The following MSI2 variants were observed in gnomAD, a reference collection of about 807,000 sequenced individuals.
MSI2 encodes the protein RNA-binding protein Musashi homolog 2.
A neutral mutation model predicts 45.6 loss-of-function variants in MSI2; 17 were observed. The observed-to-expected ratio is 0.37, with a 90% confidence interval of 0.26 to 0.56. The LOEUF (loss-of-function observed/expected upper bound fraction) is 0.56, where lower values mean the gene tolerates loss of function less well. Ranked by LOEUF, MSI2 falls within the 20% of genes least tolerant of loss-of-function variation. The pLI is 0.77. For synonymous variants in MSI2, 156 were observed against 158.2 expected (o/e 0.99, Z 0.11); for missense variants, 293 against 444.2 (o/e 0.66, Z 3.06).
chr17:57,385,504 A>G (rs761695068), intron 5 of MSI2, among the ~76,000 whole-genome samples: 52 of 152,152 alleles, frequency 3.4e-4, no homozygotes, highest in Non-Finnish European at 6.8e-4. Context: ...ACAAAAAACT[A>G]GTCAGGCATG....
chr17:57,563,746 G>GCACACACACACA lies in MSI2; in HGVS notation c.455-33095_455-33084dup, dbSNP rs61342598. On this transcript the variant is annotated intron_variant, in intron 7 of 13. Transcript: ENST00000284073. The stretch of plus-strand genomic sequence containing the variant: ...TTCCCTCTCACACACACACAGGCGC[G>GCACACACACACA]CACACACACACACACACACACACAC... Among the ~76,000 whole-genome samples the GCACACACACACA allele has an allele frequency of 2.3e-3, 323 of 139,390 alleles. 3 individuals are homozygous for GCACACACACACA. Among genetic ancestry groups the GCACACACACACA allele is most frequent in the East Asian group, 0.013 (60 of 4,710 alleles). 91.4% of individuals were successfully genotyped at this position (139,390 alleles called of 152,430 possible).
chr17:57,654,733 G>C (rs1429125442), intron 11 of MSI2, among the ~76,000 whole-genome samples: 4 of 152,154 alleles, frequency 2.6e-5, no homozygotes, highest in Non-Finnish European at 4.4e-5. Context: ...GAGACATTCA[G>C]GGAGAGTCTG....
At chr17:57,365,641 A>T (rs1917132459) in intron 5 of MSI2, among the ~76,000 whole-genome samples, 1 of 152,070 alleles carries the variant, frequency 6.6e-6, no homozygotes, top group Non-Finnish European at 1.5e-5. Flanking sequence ...GGCAGAGGGG[A>T]TAGTGAGCTC....
At chr17:57,352,167 T>C (rs1026678333) in intron 5 of MSI2, among the ~76,000 whole-genome samples, 2 of 152,226 alleles carry the variant, frequency 1.3e-5, no homozygotes, top group African/African-American at 2.4e-5. Context: ...TCAACAAGTA[T>C]ATGTCACGTA....
intron 5 of MSI2, among the ~76,000 whole-genome samples, chr17:57,283,786 G>A (rs999535036): frequency 6.6e-6 from 1 of 152,202 alleles, no homozygotes; most frequent in Non-Finnish European, 1.5e-5. Context: ...ACGCGCACGC[G>A]CACTCCCGGA....
intron 6 of MSI2, among the ~76,000 whole-genome samples, chr17:57,514,657 T>G (rs1349196989): frequency 6.6e-6 from 1 of 151,906 alleles, no homozygotes; most frequent in Non-Finnish European, 1.5e-5. Context: ...ATACTTTTTT[T>G]TTTTTTTTTT....
At chr17:57,499,097 C>G (rs1389084407) in intron 6 of MSI2, among the ~76,000 whole-genome samples, 2 of 151,944 alleles carry the variant, frequency 1.3e-5, no homozygotes, top group Non-Finnish European at 2.9e-5. Context: ...AGGGCAAGGC[C>G]AGACGCGGTG....
intron 8 of MSI2, among the ~76,000 whole-genome samples, chr17:57,613,306 C>T (rs970755371): frequency 9.2e-5 from 14 of 152,130 alleles, no homozygotes; most frequent in Non-Finnish European, 1.3e-4. Context: ...GTGACATTTG[C>T]TGTTTTCCCG....
chr17:57,595,725 T>TG (rs1399967396), intron 7 of MSI2, among the ~76,000 whole-genome samples: 1 of 108,138 alleles, frequency 9.2e-6, no homozygotes, highest in Non-Finnish European at 1.9e-5. Flanking sequence ...TGAATCTGGG[T>TG]GGGGGGTCGG....
chr17:57,350,852 C>G (rs945620423), intron 5 of MSI2, among the ~76,000 whole-genome samples: 1 of 152,244 alleles, frequency 6.6e-6, no homozygotes, highest in African/African-American at 2.4e-5. Context: ...AAACAGACAC[C>G]TCATGGGAGG....
At chr17:57,319,853 A>G (rs1913180548) in intron 5 of MSI2, among the ~76,000 whole-genome samples, 1 of 152,094 alleles carries the variant, frequency 6.6e-6, no homozygotes, top group South Asian at 2.1e-4. Flanking sequence ...GGCTCAAGCA[A>G]TCTGCCCACC....
intron 11 of MSI2, among the ~76,000 whole-genome samples, chr17:57,662,449 C>T (rs1341422911): frequency 6.6e-6 from 1 of 152,190 alleles, no homozygotes; most frequent in Non-Finnish European, 1.5e-5. Context: ...CCTGCCTTAT[C>T]CCATTAAATT....
intron 6 of MSI2, among the ~76,000 whole-genome samples, chr17:57,477,019 C>T (rs2085550427): frequency 6.6e-6 from 1 of 152,144 alleles, no homozygotes; most frequent in East Asian, 1.9e-4. Context: ...GTCTTTGAGA[C>T]AGGGACTTTC....
intron 5 of MSI2, among the ~76,000 whole-genome samples, chr17:57,363,510 G>A (rs1346056991): frequency 1.3e-5 from 2 of 152,178 alleles, no homozygotes; most frequent in African/African-American, 4.8e-5. Flanking sequence ...GGCTGAAGTG[G>A]GCAGATCACT....
At chr17:57,272,582 C>T (rs888096060) in intron 5 of MSI2, among the ~76,000 whole-genome samples, 9 of 152,148 alleles carry the variant, frequency 5.9e-5, no homozygotes, top group African/African-American at 2.2e-4. Flanking sequence ...GAAAGTAATC[C>T]GTATTTCCAT....
chr17:57,471,277 CTTTTTTTTTTTTT>C (rs529448901), intron 6 of MSI2, among the ~76,000 whole-genome samples: 108 of 83,692 alleles, frequency 1.3e-3, no homozygotes, highest in Middle Eastern at 7.4e-3. Context: ...TTATGGAGCA[CTTTTTTTTTTTTT>C]TTTTTTTTTT....
intron 7 of MSI2, among the ~76,000 whole-genome samples, chr17:57,537,632 G>A (rs1483012275): frequency 6.6e-6 from 1 of 152,230 alleles, no homozygotes; most frequent in Non-Finnish European, 1.5e-5. Flanking sequence ...AGGAAAGCAA[G>A]GAGTGTGCTT....
intron 5 of MSI2, among the ~76,000 whole-genome samples, chr17:57,303,742 C>T (rs117798223): frequency 0.011 from 1,711 of 152,252 alleles, 11 homozygotes; most frequent in Non-Finnish European, 0.017. Flanking sequence ...AGACACTAGT[C>T]CCTGCCTCCA....
intron 5 of MSI2, among the ~76,000 whole-genome samples, chr17:57,370,270 C>G (rs2143956031): frequency 6.6e-6 from 1 of 152,324 alleles, no homozygotes; most frequent in South Asian, 2.1e-4. Context: ...ATCGAAATAT[C>G]TTAAACATTT....
Sources: allele counts gnomAD v4.1 joint callset (sites outside exome capture counted in the v4.1 genomes callset), GRCh38; gene constraint gnomAD v4.1.1; transcripts MANE v1.5; gene names NCBI Gene and HGNC (gene_info 2026-07-23, HGNC 2026-07-21).